BCL2L14: variants seen among roughly 807,000 people sequenced by gnomAD.
The protein encoded by BCL2L14 is BCL2 like 14.
A neutral mutation model predicts 35.3 loss-of-function variants in BCL2L14; 27 were observed. That is an observed-to-expected ratio of 0.76 (90% CI 0.56 to 1.05). BCL2L14 has a LOEUF of 1.05. BCL2L14 is among the 50% of genes least tolerant of loss of function. The pLI is 0.00. For missense variants in BCL2L14, 377 were observed against 382.6 expected (o/e 0.99, Z 0.12); for synonymous variants, 139 against 145.9 (o/e 0.95, Z 0.34).
chr12:12,082,158 C>T (rs1948942644), intron 2 of BCL2L14, among the ~76,000 whole-genome samples: 1 of 152,218 alleles, frequency 6.6e-6, no homozygotes, highest in Non-Finnish European at 1.5e-5. Context: ...AAAGGGCTTA[C>T]CAAGGAAACA....
intron 2 of BCL2L14, among the ~76,000 whole-genome samples, chr12:12,057,553 T>A (rs1285217708): frequency 6.6e-6 from 1 of 151,422 alleles, no homozygotes; most frequent in East Asian, 1.9e-4. Flanking sequence ...AGGTCGGGAG[T>A]TCGAGACCAG....
chr12:12,090,646 TAA>T (rs76419621), intron 3 of BCL2L14, 131 bp from the exon 4 acceptor site: 1,266 of 316,788 alleles, frequency 4.0e-3, no homozygotes, highest in Non-Finnish European at 4.3e-3. Context: ...AAATAAAAAA[TAA>T]AAAAAAAAAA....
intron 1 of BCL2L14, among the ~76,000 whole-genome samples, chr12:12,050,577 T>C (rs1948337588): frequency 6.6e-6 from 1 of 151,356 alleles, no homozygotes; most frequent in Non-Finnish European, 1.5e-5. Context: ...AGCCAGAAGC[T>C]TATAGGAGTA....
At chr12:12,081,456 CAAAA>C (rs531114346) in intron 2 of BCL2L14, among the ~76,000 whole-genome samples, 3 of 93,668 alleles carry the variant, frequency 3.2e-5, no homozygotes, top group Non-Finnish European at 4.6e-5. Flanking sequence ...ACTCTGTCTC[CAAAA>C]AAAAAAAAAA....
chr12:12,086,472 C>A (rs1035231822), intron 2 of BCL2L14, among the ~76,000 whole-genome samples: 8 of 152,250 alleles, frequency 5.3e-5, no homozygotes, highest in African/African-American at 1.9e-4. Flanking sequence ...TAGGCTACAA[C>A]ACTCACTGGG....
chr12:12,073,464 T>G (rs898982275), intron 1 of BCL2L14, among the ~76,000 whole-genome samples: 1 of 152,228 alleles, frequency 6.6e-6, no homozygotes, highest in Non-Finnish European at 1.5e-5. Context: ...TTGACTTCAG[T>G]GGTTTCCCCG....
intron 2 of BCL2L14, among the ~76,000 whole-genome samples, chr12:12,063,732 G>A (rs1473970700): frequency 3.3e-5 from 5 of 152,096 alleles, no homozygotes; most frequent in South Asian, 2.1e-4. Flanking sequence ...TGACCTGCAC[G>A]TACACATCCA....
chr12:12,079,975 C>T (rs574772946), intron 2 of BCL2L14, among the ~76,000 whole-genome samples: 245 of 152,030 alleles, frequency 1.6e-3, no homozygotes, highest in African/African-American at 5.7e-3. Flanking sequence ...GAGGCCAAGG[C>T]GGGTGGATCA....
intron 1 of BCL2L14, among the ~76,000 whole-genome samples, chr12:12,076,251 C>T (rs952336170): frequency 6.7e-6 from 1 of 150,132 alleles, no homozygotes; most frequent in South Asian, 2.1e-4. Context: ...AATTGGGGAG[C>T]GGGAAGGGGT....
intron 5 of BCL2L14, among the ~76,000 whole-genome samples, chr12:12,097,647 C>T (rs999830203): frequency 6.6e-6 from 1 of 152,172 alleles, no homozygotes; most frequent in East Asian, 1.9e-4. Context: ...AGTGAATATA[C>T]GAATTCACTG....
rs1486175031 is a variant in BCL2L14 at position 12,087,195 on chromosome 12, C to A, written c.434-18C>A. The A allele has an allele frequency of 1.2e-6, 2 of 1,612,528 alleles. No individual in the cohort carries two copies. The highest frequency in any genetic ancestry group is 1.3e-5 in the African/African-American group (1 of 74,968). Reference sequence around the variant, plus strand: ...AGTTCTGGGAAGGGCCTCTCAGCACCATTTTGTCTTGTTTCAGCTGTGGAC... The same window carrying A: ...AGTTCTGGGAAGGGCCTCTCAGCACAATTTTGTCTTGTTTCAGCTGTGGAC... On this transcript the variant is annotated intron_variant, in intron 2 of 5. Transcript: ENST00000308721.
intron 1 of BCL2L14, among the ~76,000 whole-genome samples, chr12:12,078,752 C>T (rs977456843): frequency 1.3e-5 from 2 of 152,138 alleles, no homozygotes; most frequent in Non-Finnish European, 2.9e-5. Flanking sequence ...TGGCTATCTG[C>T]ATCTCTGTTA....
intron 2 of BCL2L14, among the ~76,000 whole-genome samples, chr12:12,059,114 G>T (rs951440795): frequency 6.6e-6 from 1 of 152,174 alleles, no homozygotes; most frequent in East Asian, 1.9e-4. Context: ...TCACGGACTG[G>T]GAATGCAGCC....
chr12:12,067,704 T>G (rs17757816), upstream of BCL2L14, among the ~76,000 whole-genome samples: 1 of 152,132 alleles, frequency 6.6e-6, no homozygotes, highest in South Asian at 2.1e-4. Flanking sequence ...CAATCCTTAT[T>G]ATGACCCTGT....
rs1271837172 is a variant in BCL2L14, at chr12:12,099,615, C to A, written c.*627C>A. The A allele has an allele frequency of 8.5e-5, 13 of 152,234 alleles. No homozygotes were observed. The highest frequency in any genetic ancestry group is 8.5e-4 in the Admixed American group (13 of 15,276). The allele number at this position is 152,234 out of a possible 1,614,324, so 9.4% of individuals were successfully genotyped here. A position where few individuals can be genotyped will look rare whatever the true frequency, so the allele number is the denominator to read the frequency against. ...GGACCACACCTCTTCTTCCCAAGGT[C>A]CCTGGGACTTCCTCATTCTTTGTGG... On this transcript the variant is annotated 3_prime_UTR_variant, in exon 6 of 6. Coordinates refer to ENST00000308721, the MANE Select transcript of BCL2L14 (RefSeq NM_138723.2).
chr12:12,092,103 C>T (rs1175963006), intron 4 of BCL2L14, among the ~76,000 whole-genome samples: 1 of 152,198 alleles, frequency 6.6e-6, no homozygotes, highest in Non-Finnish European at 1.5e-5. Context: ...CTCTTTACAA[C>T]TCAGAGTTTC....
chr12:12,091,497 C>A (rs145845144), intron 4 of BCL2L14, among the ~76,000 whole-genome samples: 2 of 152,198 alleles, frequency 1.3e-5, no homozygotes, highest in East Asian at 1.9e-4. Flanking sequence ...AACCCACAGA[C>A]GACTGAGTAG....
intron 2 of BCL2L14, among the ~76,000 whole-genome samples, chr12:12,052,185 A>C (rs1948366876): frequency 6.6e-6 from 1 of 152,238 alleles, no homozygotes; most frequent in Non-Finnish European, 1.5e-5. Context: ...GGAATGATTA[A>C]ATCAGGCTAA....
intron 2 of BCL2L14, among the ~76,000 whole-genome samples, chr12:12,080,519 C>T (rs1948895396): frequency 6.6e-6 from 1 of 151,276 alleles, no homozygotes; most frequent in Non-Finnish European, 1.5e-5. Context: ...ACTCGGGAGG[C>T]TGGGGCAAGA....
Sources: allele counts gnomAD v4.1 joint callset (sites outside exome capture counted in the v4.1 genomes callset), GRCh38; gene constraint gnomAD v4.1.1; transcripts MANE v1.5; gene names NCBI Gene and HGNC (gene_info 2026-07-23, HGNC 2026-07-21).